PDE1C: variants seen among roughly 807,000 people sequenced by gnomAD.
PDE1C encodes the protein phosphodiesterase 1C, also known as dual specificity calcium/calmodulin-dependent 3',5'-cyclic nucleotide phosphodiesterase 1C.
A neutral mutation model predicts 93.1 loss-of-function variants in PDE1C; 62 were observed. The observed-to-expected ratio is 0.67, with a 90% CI of 0.54 to 0.82. The LOEUF (loss-of-function observed/expected upper bound fraction) is 0.82. Ranked by LOEUF, PDE1C falls within the 40% of genes least tolerant of loss-of-function variation. PDE1C has a pLI of 0.00. For synonymous variants in PDE1C, 325 were observed against 310.1 expected (o/e 1.05, Z -0.50); for missense variants, 742 against 884.6 (o/e 0.84, Z 2.04).
At chr7:32,132,809 T>G (rs1340498077) in intron 3 of PDE1C, among the ~76,000 whole-genome samples, 1 of 152,170 alleles carries the variant, frequency 6.6e-6, no homozygotes, top group Non-Finnish European at 1.5e-5. Flanking sequence ...TGGCTTGGAC[T>G]AGAGTGGAGA....
chr7:31,827,496 T>C (rs1226217193), intron 12 of PDE1C, among the ~76,000 whole-genome samples: 1 of 152,186 alleles, frequency 6.6e-6, no homozygotes, highest in Non-Finnish European at 1.5e-5. Context: ...TGGTTTAATG[T>C]CTTTGAGAGC....
intron 3 of PDE1C, among the ~76,000 whole-genome samples, chr7:32,098,237 A>AAAAAAAAAAAAAAAAAAAAAC: frequency 6.9e-6 from 1 of 145,850 alleles, no homozygotes; most frequent in Non-Finnish European, 1.5e-5. Context: ...CTCAAAAAAA[A>AAAAAAAAAAAAAAAAAAAAAC]AAAAAAAAAA....
intron 7 of PDE1C, among the ~76,000 whole-genome samples, chr7:31,863,925 TC>T (rs1348316908): frequency 6.6e-6 from 1 of 152,124 alleles, no homozygotes; most frequent in East Asian, 1.9e-4. Context: ...TCCCACATAT[TC>T]CATTTTTAAT....
chr7:31,643,733 G>T, the PDE1C span: 2 of 1,613,976 alleles, frequency 1.2e-6, no homozygotes, highest in Non-Finnish European at 1.7e-6. Flanking sequence ...CTAGACTCAG[G>T]CTTCTCTAGT....
intron 3 of PDE1C, among the ~76,000 whole-genome samples, chr7:32,142,879 C>CAA (rs1310405983): frequency 1.5e-5 from 2 of 131,810 alleles, no homozygotes; most frequent in Non-Finnish European, 3.5e-5. Context: ...TAACCCAACA[C>CAA]AAAATATATA....
intron 2 of PDE1C, among the ~76,000 whole-genome samples, chr7:32,048,225 T>G (rs1418388473): frequency 6.6e-6 from 1 of 152,184 alleles, no homozygotes; most frequent in East Asian, 1.9e-4. Context: ...GGCTGGAAAT[T>G]TTTTAAAACA....
chr7:31,847,373 T>C (rs181373688), intron 9 of PDE1C, among the ~76,000 whole-genome samples: 2 of 152,182 alleles, frequency 1.3e-5, no homozygotes, highest in Non-Finnish European at 2.9e-5. Context: ...CTGTCATTCA[T>C]GCAACAGAAT....
chr7:31,652,545 C>T, the PDE1C span: 3 of 1,606,368 alleles, frequency 1.9e-6, no homozygotes, highest in African/African-American at 4.0e-5. Flanking sequence ...AGCAGAGCCA[C>T]CTGAACACTA....
chr7:32,329,346 C>T (rs951948044), intron 1 of PDE1C, among the ~76,000 whole-genome samples: 7 of 152,204 alleles, frequency 4.6e-5, no homozygotes, highest in Non-Finnish European at 8.8e-5. Flanking sequence ...CTCATTTATA[C>T]ATCAACGTAG....
At chr7:31,958,568 C>A (rs904425286) in intron 2 of PDE1C, among the ~76,000 whole-genome samples, 6 of 152,098 alleles carry the variant, frequency 3.9e-5, no homozygotes, top group Non-Finnish European at 1.5e-5. Context: ...AACTGCCTAC[C>A]ACAGTGCCTG....
In PDE1C at chr7:32,210,260, T is replaced by G. The variant is rs1034626036; in HGVS notation, c.86-721A>C. Among the ~76,000 whole-genome samples the G allele has an allele frequency of 1.2e-4, 19 of 152,318 alleles. No homozygotes were observed. The South Asian group carries it at 3.5e-3, about 28-fold the overall frequency. ...TAAGGGGAAACACAGGTTTCACTCA[T>G]TTTAAATACCATGTTTCATGCCCAT... On this transcript the variant is annotated intron_variant, in intron 1 of 18. Transcript: ENST00000396193.
chr7:32,354,332 C>G (rs1562687430), intron 1 of PDE1C, among the ~76,000 whole-genome samples: 1 of 152,108 alleles, frequency 6.6e-6, no homozygotes. Context: ...AGTTTTCTAA[C>G]TTTAAAAGTT....
chr7:31,632,316 C>G, the PDE1C span, among the ~76,000 whole-genome samples: 1 of 152,160 alleles, frequency 6.6e-6, no homozygotes, highest in East Asian at 1.9e-4. Context: ...GGCGTGGTGG[C>G]ACGTGCCTGT....
chr7:32,067,118 A>G (rs369405875), intron 1 of PDE1C, among the ~76,000 whole-genome samples: 6 of 151,530 alleles, frequency 4.0e-5, no homozygotes, highest in African/African-American at 1.2e-4. Flanking sequence ...AGGTGTCTAT[A>G]ATCCCAGCTA....
At chr7:31,764,612 C>A (rs7800458) in intron 17 of PDE1C, among the ~76,000 whole-genome samples, 3 of 152,180 alleles carry the variant, frequency 2.0e-5, no homozygotes, top group African/African-American at 7.2e-5. Flanking sequence ...TCTTAAGACA[C>A]GTTGCGTTTA....
intron 2 of PDE1C, among the ~76,000 whole-genome samples, chr7:31,999,715 T>G (rs1210053700): frequency 6.6e-6 from 1 of 152,146 alleles, no homozygotes; most frequent in Non-Finnish European, 1.5e-5. Flanking sequence ...ACACCACATG[T>G]TTTTACACTT....
intron 2 of PDE1C, among the ~76,000 whole-genome samples, chr7:32,207,708 T>G (rs916301317): frequency 5.9e-5 from 9 of 152,228 alleles, no homozygotes; most frequent in African/African-American, 2.2e-4. Context: ...TGTCCTCACC[T>G]GTCTCAAGAT....
chr7:32,219,370 G>T (rs550292428), intron 1 of PDE1C, among the ~76,000 whole-genome samples: 2 of 152,176 alleles, frequency 1.3e-5, no homozygotes, highest in Non-Finnish European at 2.9e-5. Context: ...AGCAAGAAAA[G>T]TTTTTTTATT....
At chr7:31,888,305 G>A (rs925699899) in intron 2 of PDE1C, among the ~76,000 whole-genome samples, 5 of 148,732 alleles carry the variant, frequency 3.4e-5, no homozygotes, top group African/African-American at 7.4e-5. Flanking sequence ...AAGTGATCTC[G>A]TTATGCACCT....
Sources: gnomAD v4.1 joint callset for allele counts (sites outside exome capture counted in the v4.1 genomes callset) on GRCh38, gnomAD v4.1.1 for gene constraint, MANE v1.5 for transcripts, NCBI Gene and HGNC (gene_info 2026-07-23, HGNC 2026-07-21) for gene names.